Variants in AMPD3 observed in about 807,000 individuals in gnomAD.
The protein encoded by AMPD3 is AMP deaminase 3.
Under a neutral mutation model 82.3 loss-of-function variants are expected in AMPD3, and 57 were observed. The observed-to-expected ratio is 0.69, with a 90% CI of 0.56 to 0.86. The LOEUF (loss-of-function observed/expected upper bound fraction) is 0.86. Among genes scored for constraint, AMPD3 ranks in the 40% least tolerant of loss-of-function variants. AMPD3 has a pLI of 0.00. For synonymous variants in AMPD3, 381 were observed against 394.7 expected, an observed-to-expected ratio of 0.97 and a Z score of 0.41; for missense variants, 870 against 1,003.8, an observed-to-expected ratio of 0.87 and a Z score of 1.80.
intron 3 of AMPD3, among the ~76,000 whole-genome samples, chr11:10,479,359 C>T (rs1477136532): frequency 1.3e-5 from 2 of 152,170 alleles, no homozygotes; most frequent in Non-Finnish European, 2.9e-5. Context: ...TTAAGTTTGG[C>T]TCCATCTCCC....
At chr11:10,490,530 G>A (rs1849210608) in intron 6 of AMPD3, 12 of 985,414 alleles carry the variant, frequency 1.2e-5, no homozygotes, top group Non-Finnish European at 1.1e-5. Context: ...AGGTGAACAC[G>A]GGGAATGCAC....
intron 10 of AMPD3, chr11:10,499,446 G>A (rs188926717): frequency 6.5e-6 from 1 of 155,028 alleles, no homozygotes; most frequent in Non-Finnish European, 1.4e-5. Flanking sequence ...TCGAACTCCT[G>A]ACCTCGTGAT....
intron 2 of AMPD3, among the ~76,000 whole-genome samples, chr11:10,472,528 T>C (rs1848624870): frequency 6.6e-6 from 1 of 152,194 alleles, no homozygotes; most frequent in Admixed American, 6.5e-5. Flanking sequence ...TTCCCTAGAA[T>C]GTTTTGAGTG....
chr11:10,472,432 T>G (rs1307505584), intron 2 of AMPD3, among the ~76,000 whole-genome samples: 1 of 151,900 alleles, frequency 6.6e-6, no homozygotes, highest in Non-Finnish European at 1.5e-5. Context: ...CCCCAGAACT[T>G]AAAGTATAAT....
intron 10 of AMPD3, 156 bp from the exon 11 acceptor site, chr11:10,499,930 A>G (rs1849528114): frequency 1.0e-6 from 1 of 982,114 alleles, no homozygotes; most frequent in African/African-American, 1.8e-5. Context: ...CCCTGGGAGG[A>G]ATATGGCCTC....
At chr11:10,484,289 G>A in intron 4 of AMPD3, 1 of 985,304 alleles carries the variant, frequency 1.0e-6, no homozygotes. Flanking sequence ...TCTGCTCTGG[G>A]GGAGACAAGT....
chr11:10,461,612 A>G lies in AMPD3; in HGVS notation c.93A>G (p.Glu31=), dbSNP rs1278275479. The change falls in exon 2 of 15, where the codon GAA becomes GAG. Residue 31 remains glutamate, a synonymous_variant. Coordinates refer to ENST00000396553, the MANE Select transcript of AMPD3 (RefSeq NM_001025389.2). ...AGGTGTTTGCTAAAGTGCTCCGAGA[A>G]GAGGACAGCAAAGATGCCCTGTCCC... The part of the protein sequence containing the change: ...AEKVFAKVLR[E]EDSKDALSLF... 1 of 1,614,134 alleles carries G rather than the reference A, an allele frequency of 6.2e-7. No homozygotes were observed. Among genetic ancestry groups the G allele is most frequent in the African/African-American group, 1.3e-5 (1 of 74,946 alleles).
chr11:10,500,766 G>C, intron 11 of AMPD3: 8 of 985,464 alleles, frequency 8.1e-6, no homozygotes, highest in Non-Finnish European at 9.6e-6. Context: ...ATCCATGCAT[G>C]CCCTTACAGG....
intron 2 of AMPD3, among the ~76,000 whole-genome samples, chr11:10,464,164 G>A (rs1017969250): frequency 1.3e-5 from 2 of 152,176 alleles, no homozygotes; most frequent in African/African-American, 2.4e-5. Context: ...AGTGCATCCC[G>A]AGTAAATATA....
intron 7 of AMPD3, chr11:10,494,579 A>G (rs753907693): frequency 7.5e-5 from 74 of 985,298 alleles, no homozygotes; most frequent in Non-Finnish European, 8.7e-5. Context: ...AAATGTGAGT[A>G]GTGATAGGGA....
chr11:10,454,487 A>G (rs527260729), upstream of AMPD3, among the ~76,000 whole-genome samples: 12 of 152,318 alleles, frequency 7.9e-5, no homozygotes, highest in East Asian at 1.5e-3. Context: ...GGGTTAAACA[A>G]AGTTAAGCAG....
chr11:10,469,140 A>G (rs889021050), intron 2 of AMPD3, among the ~76,000 whole-genome samples: 3 of 152,212 alleles, frequency 2.0e-5, no homozygotes, highest in African/African-American at 7.2e-5. Context: ...AATAACTAAG[A>G]TCAGAGCAGA....
chr11:10,476,955 C>T, intron 2 of AMPD3: 2 of 985,422 alleles, frequency 2.0e-6, no homozygotes, highest in Non-Finnish European at 2.4e-6. Flanking sequence ...AAGGTAAATT[C>T]CTGAAAAGGA....
chr11:10,473,945 A>T (rs1401393641), intron 2 of AMPD3, among the ~76,000 whole-genome samples: 7 of 152,090 alleles, frequency 4.6e-5, no homozygotes, highest in Non-Finnish European at 8.8e-5. Context: ...AACAATTCTC[A>T]TGTGGAGGGG....
intron 3 of AMPD3, chr11:10,481,862 G>A (rs1848917124): frequency 1.5e-6 from 1 of 649,766 alleles, no homozygotes; most frequent in South Asian, 1.7e-5. Context: ...AGGAAAGCAG[G>A]TGTCCAACAT....
At chr11:10,469,896 C>T (rs539094252) in intron 2 of AMPD3, among the ~76,000 whole-genome samples, 15 of 151,456 alleles carry the variant, frequency 9.9e-5, no homozygotes, top group Admixed American at 6.6e-4. Context: ...AAAAATTAGC[C>T]GGGCGTAGTG....
In AMPD3 at chr11:10,487,089, G is replaced by A; in HGVS notation, c.810-146G>A. The A allele has an allele frequency of 2.6e-6, 4 of 1,555,366 alleles. No homozygotes were observed. The Admixed American group carries it at 6.8e-5, about 26-fold the overall frequency. The stretch of plus-strand genomic sequence containing the variant: ...GGATATGACTCAACAGTTCAGCAGG[G>A]TCTGTAGAAAGCCAGAACCTCCTCA... On this transcript the variant is annotated intron_variant, in intron 5 of 14. Transcript: ENST00000396553.
intron 14 of AMPD3, 139 bp from the exon 15 acceptor site, chr11:10,505,569 G>A (rs1200934599): frequency 1.2e-5 from 18 of 1,493,896 alleles, no homozygotes; most frequent in Non-Finnish European, 1.5e-5. Context: ...AGAGTTCTGT[G>A]GGGATAAGAT....
chr11:10,477,043 G>A (rs569945890), intron 2 of AMPD3: 6 of 985,472 alleles, frequency 6.1e-6, no homozygotes, highest in Non-Finnish European at 7.2e-6. Flanking sequence ...AGAACCAGAG[G>A]GCCATGGCAA....
Sources: allele counts gnomAD v4.1 joint callset (sites outside exome capture counted in the v4.1 genomes callset), GRCh38; gene constraint gnomAD v4.1.1; transcripts MANE v1.5; gene names NCBI Gene and HGNC (gene_info 2026-07-23, HGNC 2026-07-21).